The following TIPRL variants were observed in gnomAD, a reference collection of about 807,000 sequenced individuals.
TIPRL encodes the protein TOR signaling pathway regulator.
A neutral mutation model predicts 32.3 loss-of-function variants in TIPRL; 10 were observed. That is an observed-to-expected ratio of 0.31 (90% CI 0.19 to 0.52). The LOEUF (loss-of-function observed/expected upper bound fraction) is 0.52, where lower values mean the gene tolerates loss of function less well. Among genes scored for constraint, TIPRL ranks in the 20% least tolerant of loss-of-function variants. The pLI, the probability that TIPRL is intolerant of heterozygous loss-of-function variation, is 0.96. For synonymous variants in TIPRL, 100 were observed against 114.0 expected, an observed-to-expected ratio of 0.88 and a Z score of 0.78; for missense variants, 250 against 328.1, an observed-to-expected ratio of 0.76 and a Z score of 1.84.
At chr1:168,192,794 G>C (rs1018191607) in intron 4 of TIPRL, among the ~76,000 whole-genome samples, 3 of 152,152 alleles carry the variant, frequency 2.0e-5, no homozygotes, top group Non-Finnish European at 4.4e-5. Flanking sequence ...GCTGAGGCAG[G>C]AGAATGGCGT....
chr1:168,179,139 C>A lies in TIPRL; in HGVS notation c.62C>A (p.Thr21Lys). 6.2e-7 allele frequency: 1 copy of A among 1,613,982 alleles called. No homozygotes were observed. The highest frequency in any genetic ancestry group is 8.5e-7 in the Non-Finnish European group (1 of 1,179,942). ...RDFCFGPWKL[T>K]ASKTHIMKSA... Reference sequence around the variant, plus strand: ...TTCTGCTTCGGGCCCTGGAAGCTGACGGCGTCCAAGACCCACATCATGAAG... The same window carrying A: ...TTCTGCTTCGGGCCCTGGAAGCTGAAGGCGTCCAAGACCCACATCATGAAG... Residue 21 changes from threonine to lysine, a missense_variant, in exon 1 of 7, where the codon ACG (threonine) becomes AAG (lysine). Transcript: ENST00000367833.
intron 1 of TIPRL, among the ~76,000 whole-genome samples, chr1:168,181,567 G>T (rs1422145455): frequency 2.0e-5 from 3 of 147,184 alleles, no homozygotes; most frequent in Admixed American, 6.8e-5. Flanking sequence ...AGTAATTGCG[G>T]TTTTTAATTG....
chr1:168,180,981 ATTTT>A (rs1699955738), intron 1 of TIPRL, among the ~76,000 whole-genome samples: 1 of 150,596 alleles, frequency 6.6e-6, no homozygotes, highest in Non-Finnish European at 1.5e-5. Flanking sequence ...ACTTTTATTT[ATTTT>A]TTATTTTGTT....
intron 3 of TIPRL, among the ~76,000 whole-genome samples, chr1:168,185,100 G>A (rs771174457): frequency 6.6e-6 from 1 of 152,152 alleles, no homozygotes; most frequent in Non-Finnish European, 1.5e-5. Flanking sequence ...AGTGTAGTTG[G>A]TGGCAACGGC....
Position 168,200,221 on chromosome 1 carries a change from C to A in TIPRL, c.*175C>A, listed in dbSNP as rs952859696. 3.4e-6 allele frequency: 2 copies of A among 585,620 alleles called. No individual in the cohort carries two copies. Among genetic ancestry groups the A allele is most frequent in the Non-Finnish European group, 5.8e-6 (2 of 347,290 alleles). 36.3% of individuals were successfully genotyped at this position (585,620 alleles called of 1,614,324 possible). ...AGGTTTCACTCAACTGCTGTTTGTACTGTCTGTCTTCACATTCATATTCCA... is the reference window on the plus strand; with the variant it reads ...AGGTTTCACTCAACTGCTGTTTGTAATGTCTGTCTTCACATTCATATTCCA... On this transcript the variant is annotated 3_prime_UTR_variant, in exon 7 of 7. Transcript: ENST00000367833.
In TIPRL at chr1:168,201,768, A is replaced by G. The variant is rs1700209700; in HGVS notation, c.*1722A>G. The G allele has an allele frequency of 8.5e-6, 1 of 117,992 alleles. No individual in the cohort carries two copies. 7.3% of individuals were successfully genotyped at this position (117,992 alleles called of 1,614,324 possible). A position where few individuals can be genotyped will look rare whatever the true frequency, so the allele number is the denominator to read the frequency against. On this transcript the variant is annotated 3_prime_UTR_variant, in exon 7 of 7. Coordinates refer to ENST00000367833, the MANE Select transcript of TIPRL (RefSeq NM_152902.5). ...TCATTAATTGGAGCTTCTGGGCAAC[A>G]TCGTGTGTGTGTGTGTGTGTGTGTG...
In TIPRL at chr1:168,191,419, A is replaced by G. The variant is rs146679460; in HGVS notation, c.435A>G (p.Glu145=). The G allele has an allele frequency of 5.9e-6, 9 of 1,533,588 alleles. No individual in the cohort carries two copies. The East Asian group carries it at 2.0e-4, about 34-fold the overall frequency. The allele number at this position is 1,533,588 out of a possible 1,614,324, so 95.0% of individuals were successfully genotyped here. A position where few individuals can be genotyped will look rare whatever the true frequency, so the allele number is the denominator to read the frequency against. Residue 145 remains glutamate, a synonymous_variant, in exon 4 of 7, where the codon GAA becomes GAG. Coordinates refer to ENST00000367833, the MANE Select transcript of TIPRL (RefSeq NM_152902.5). ...HIDTEKLKAR[E]QIKFFEEVLL... is the part of the protein sequence containing the mutation. ...ATACAGAAAAATTGAAAGCCAGAGA[A>G]CAGATTAAGTTTTTTGAAGAAGTTC...
chr1:168,194,384 A>G (rs1287086357), intron 4 of TIPRL, among the ~76,000 whole-genome samples: 1 of 152,212 alleles, frequency 6.6e-6, no homozygotes, highest in Non-Finnish European at 1.5e-5. Flanking sequence ...CCTAGGAAAG[A>G]ACTACTGCCC....
Position 168,191,904 on chromosome 1 carries a change from A to T in TIPRL, c.516+404A>T, listed in dbSNP as rs184945847. On this transcript the variant is annotated intron_variant, in intron 4 of 6. Coordinates refer to ENST00000367833, the MANE Select transcript of TIPRL (RefSeq NM_152902.5). Reference sequence around the variant, plus strand: ...AAGAATAACACTGAGCTTTAACATGATGTCATGTACAATTTCACTTGAATC... The same window carrying T: ...AAGAATAACACTGAGCTTTAACATGTTGTCATGTACAATTTCACTTGAATC... Among the ~76,000 whole-genome samples the T allele has an allele frequency of 5.2e-4, 78 of 150,960 alleles. No individual in the cohort carries two copies. The East Asian group carries it at 0.015, about 28-fold the overall frequency.
At chr1:168,186,187 T>C (rs1376995391) in intron 3 of TIPRL, among the ~76,000 whole-genome samples, 5 of 151,208 alleles carry the variant, frequency 3.3e-5, no homozygotes, top group African/African-American at 4.9e-5. Flanking sequence ...TGAAATCTTA[T>C]AGTATGACTG....
At chr1:168,196,667 T>C (rs2102313187) in intron 5 of TIPRL, 25 bp downstream of exon 5, 1 of 1,438,692 alleles carries the variant, frequency 7.0e-7, no homozygotes, top group Non-Finnish European at 9.6e-7. Flanking sequence ...TTAATGAATA[T>C]ACTAATTGAT....
chr1:168,199,247 GACTT>G (rs1404064925), intron 6 of TIPRL, among the ~76,000 whole-genome samples: 1 of 152,116 alleles, frequency 6.6e-6, no homozygotes, highest in Non-Finnish European at 1.5e-5. Context: ...CCAGAGGTGT[GACTT>G]ACTCTGAGTC....
At chr1:168,194,399 A>G (rs1405395625) in intron 4 of TIPRL, among the ~76,000 whole-genome samples, 1 of 152,202 alleles carries the variant, frequency 6.6e-6, no homozygotes, top group African/African-American at 2.4e-5. Context: ...CTGCCCTAAA[A>G]TATGCTATTG....
chr1:168,179,223 T>C, intron 1 of TIPRL, 42 bp downstream of exon 1: 1 of 1,589,282 alleles, frequency 6.3e-7, no homozygotes, highest in Non-Finnish European at 8.6e-7. Flanking sequence ...GGCCGGTTGC[T>C]GGCCCAGGGC....
At chr1:168,195,945 C>T (rs1700148255) in intron 4 of TIPRL, among the ~76,000 whole-genome samples, 1 of 152,184 alleles carries the variant, frequency 6.6e-6, no homozygotes, top group Non-Finnish European at 1.5e-5. Flanking sequence ...CCAGGACCCA[C>T]CTTCATACTT....
At chr1:168,197,059 A>G (rs1383914270) in intron 5 of TIPRL, among the ~76,000 whole-genome samples, 1 of 152,226 alleles carries the variant, frequency 6.6e-6, no homozygotes, top group African/African-American at 2.4e-5. Context: ...CACGCCTGTA[A>G]TCCCGGCACT....
At chr1:168,191,327 C>A (rs779747988) in intron 3 of TIPRL, 42 bp from the exon 4 acceptor site, 1 of 1,437,384 alleles carries the variant, frequency 7.0e-7, no homozygotes, top group Non-Finnish European at 9.2e-7. Flanking sequence ...AGCTCCTCAA[C>A]TTTTTTTTTA....
In TIPRL at chr1:168,179,061, C is replaced by T. The variant is rs1302293743; in HGVS notation, c.-17C>T. ...TTCAGCTTATTCCTTGTGGCCTCTG[C>T]GGGTCCTGCCTCAGCCATGATGATC... On this transcript the variant is annotated 5_prime_UTR_variant, in exon 1 of 7. Transcript: ENST00000367833. 9.9e-6 allele frequency: 16 copies of T among 1,610,348 alleles called. No homozygotes were observed. Among genetic ancestry groups the T allele is most frequent in the Non-Finnish European group, 1.3e-5 (15 of 1,177,388 alleles).
chr1:168,184,584 G>C (rs1335676914), intron 2 of TIPRL, among the ~76,000 whole-genome samples, 195 bp from the exon 3 acceptor site: 1 of 152,096 alleles, frequency 6.6e-6, no homozygotes, highest in Non-Finnish European at 1.5e-5. Context: ...TAATTGAAAA[G>C]ACTACATCAG....
Sources: allele counts gnomAD v4.1 joint callset (sites outside exome capture counted in the v4.1 genomes callset), GRCh38; gene constraint gnomAD v4.1.1; transcripts MANE v1.5; gene names NCBI Gene and HGNC (gene_info 2026-07-23, HGNC 2026-07-21).